The following SNTG1 variants were observed in gnomAD, a reference collection of about 807,000 sequenced individuals.
The protein encoded by SNTG1 is gamma-1-syntrophin.
In SNTG1, 39 loss-of-function variants were observed where a neutral mutation model predicts 74.7. The observed-to-expected ratio is 0.52, with a 90% confidence interval of 0.40 to 0.68. SNTG1 has a LOEUF of 0.68. Ranked by LOEUF, SNTG1 falls within the 30% of genes least tolerant of loss-of-function variation. The probability of loss-of-function intolerance (pLI) is 0.00; values close to 1 mark genes in which losing one functional copy is unlikely to be tolerated. For missense variants in SNTG1, 685 were observed against 609.5 expected (o/e 1.12, Z -1.30); for synonymous variants, 254 against 217.1 (o/e 1.17, Z -1.49).
At chr8:50,612,084 CA>C (rs1156706726) in intron 13 of SNTG1, among the ~76,000 whole-genome samples, 1 of 152,044 alleles carries the variant, frequency 6.6e-6, no homozygotes. Context: ...AACAAACAAA[CA>C]AAAAAATCTG....
At chr8:50,633,553 T>C (rs534970586) in intron 13 of SNTG1, among the ~76,000 whole-genome samples, 2 of 152,186 alleles carry the variant, frequency 1.3e-5, no homozygotes, top group Non-Finnish European at 2.9e-5. Flanking sequence ...GCATGAAGTG[T>C]CTTTCAACTT....
At chr8:50,157,818 GA>G (rs1039825462) in intron 1 of SNTG1, among the ~76,000 whole-genome samples, 5 of 152,048 alleles carry the variant, frequency 3.3e-5, no homozygotes, top group African/African-American at 1.2e-4. Context: ...TCATAGAAAT[GA>G]AAATAAAGAA....
chr8:50,038,750 A>G (rs2130801208), intron 1 of SNTG1, among the ~76,000 whole-genome samples: 1 of 152,320 alleles, frequency 6.6e-6, no homozygotes, highest in Non-Finnish European at 1.5e-5. Context: ...AGTCAGATCT[A>G]CTGACACAGA....
chr8:50,644,568 G>C (rs2095095055), intron 13 of SNTG1: 1 of 152,124 alleles, frequency 6.6e-6, no homozygotes, highest in Non-Finnish European at 1.5e-5. Flanking sequence ...TGAATCTCCT[G>C]CTTATATTTT....
At chr8:50,097,926 T>C (rs574753644) in intron 1 of SNTG1, among the ~76,000 whole-genome samples, 1 of 152,214 alleles carries the variant, frequency 6.6e-6, no homozygotes, top group South Asian at 2.1e-4. Context: ...ATACTTGGCA[T>C]GCTTAGTTTA....
Position 50,792,932 on chromosome 8 carries a change from T to C in SNTG1, c.*103T>C, listed in dbSNP as rs2095695517. ...AACCATAACATCACCAAGTCGACAG[T>C]GGAGGCAAATCAAAATTTCGGCAGA... is the stretch of plus-strand genomic sequence containing the variant. On this transcript the variant is annotated 3_prime_UTR_variant, in exon 19 of 19. Coordinates refer to ENST00000642720, the MANE Select transcript of SNTG1 (RefSeq NM_018967.5). 3.8e-6 allele frequency: 5 copies of C among 1,307,288 alleles called. No individual in the cohort carries two copies. The highest frequency in any genetic ancestry group is 2.0e-4 in the Middle Eastern group (1 of 5,076). 81.0% of individuals were successfully genotyped at this position (1,307,288 alleles called of 1,614,324 possible). A position where few individuals can be genotyped will look rare whatever the true frequency, so the allele number is the denominator to read the frequency against.
chr8:50,145,751 T>A lies in SNTG1; in HGVS notation c.-102-26810T>A, dbSNP rs544330093. On this transcript the variant is annotated intron_variant, in intron 1 of 18. Transcript: ENST00000642720. ...CAAATTTCCTTATTGTCAAAAGCAC[T>A]TTTTATTTTTATGTTCATCTATTTT... Among the ~76,000 whole-genome samples the A allele has an allele frequency of 2.6e-5, 4 of 152,282 alleles. No homozygotes were observed. In the South Asian group the frequency reaches 8.3e-4, roughly 32 times the overall value.
intron 2 of SNTG1, among the ~76,000 whole-genome samples, chr8:50,177,972 A>C (rs1251402487): frequency 2.0e-5 from 3 of 152,180 alleles, no homozygotes. Context: ...CCTACAGTAG[A>C]TAGCCTTTCA....
chr8:50,162,515 TC>T (rs1468859348), intron 1 of SNTG1, among the ~76,000 whole-genome samples: 7 of 143,804 alleles, frequency 4.9e-5, no homozygotes, highest in Admixed American at 2.2e-4. Flanking sequence ...TGAGCCGAGT[TC>T]ACGCCACTGC....
intron 13 of SNTG1, among the ~76,000 whole-genome samples, chr8:50,603,599 A>G (rs992060066): frequency 6.6e-6 from 1 of 151,918 alleles, no homozygotes; most frequent in African/African-American, 2.4e-5. Flanking sequence ...GGGCATTGAA[A>G]ATTTGGATAT....
chr8:50,022,334 C>T (rs1358300624), intron 1 of SNTG1, among the ~76,000 whole-genome samples: 2 of 152,110 alleles, frequency 1.3e-5, no homozygotes, highest in East Asian at 1.9e-4. Flanking sequence ...TCACTGATGC[C>T]TTGAGATGGA....
chr8:50,496,082 T>TTTTATCTATAAAGTGACCTG (rs2093901590), intron 8 of SNTG1, among the ~76,000 whole-genome samples: 2 of 152,346 alleles, frequency 1.3e-5, no homozygotes, highest in South Asian at 4.1e-4. Flanking sequence ...AGCCTAGTTA[T>TTTTATCTATAAAGTGACCTG]TTTATCTGTA....
At chr8:50,676,832 G>A (rs1387027662) in intron 15 of SNTG1, among the ~76,000 whole-genome samples, 5 of 151,496 alleles carry the variant, frequency 3.3e-5, no homozygotes, top group Non-Finnish European at 1.5e-5. Flanking sequence ...ATTTTTTAAA[G>A]ATATTTCTAA....
At chr8:50,724,966 TAGAA>T (rs2095496504) in intron 17 of SNTG1, among the ~76,000 whole-genome samples, 1 of 152,178 alleles carries the variant, frequency 6.6e-6, no homozygotes. Context: ...GAAGCATTAA[TAGAA>T]AGAAGACATC....
At chr8:50,579,423 A>T (rs1378623848) in intron 12 of SNTG1, among the ~76,000 whole-genome samples, 1 of 152,238 alleles carries the variant, frequency 6.6e-6, no homozygotes, top group Non-Finnish European at 1.5e-5. Flanking sequence ...TGCAGACATC[A>T]GCATAAGTAG....
At chr8:50,028,963 A>T (rs1432886697) in intron 1 of SNTG1, among the ~76,000 whole-genome samples, 1 of 151,782 alleles carries the variant, frequency 6.6e-6, no homozygotes, top group East Asian at 1.9e-4. Flanking sequence ...TCCATTTTCA[A>T]ATTGGATATT....
chr8:50,779,643 C>A (rs2095652454), intron 18 of SNTG1, among the ~76,000 whole-genome samples: 1 of 151,592 alleles, frequency 6.6e-6, no homozygotes, highest in Non-Finnish European at 1.5e-5. Context: ...ATCATGTCAT[C>A]TGCAAACAGG....
Position 49,964,535 on chromosome 8 carries a change from A to G in SNTG1, c.-103+52304A>G, listed in dbSNP as rs16914102. 5.3e-3 allele frequency among the ~76,000 whole-genome samples: 815 copies of G among 152,352 alleles called. 11 individuals carry two copies. Among genetic ancestry groups the G allele is most frequent in the African/African-American group, 0.019 (771 of 41,580 alleles). ...ATATACATAGGTGAATAATAGGTAA[A>G]CAGGCACAGGCATATACTCTATCTG... On this transcript the variant is annotated intron_variant, in intron 1 of 18. Coordinates refer to ENST00000642720, the MANE Select transcript of SNTG1 (RefSeq NM_018967.5).
intron 1 of SNTG1, among the ~76,000 whole-genome samples, chr8:49,967,335 T>C (rs1811234337): frequency 6.6e-6 from 1 of 152,202 alleles, no homozygotes; most frequent in Admixed American, 6.5e-5. Flanking sequence ...CAGGATGGTG[T>C]TTTGTCACAT....
Sources: gnomAD v4.1 joint callset for allele counts (sites outside exome capture counted in the v4.1 genomes callset) on GRCh38, gnomAD v4.1.1 for gene constraint, MANE v1.5 for transcripts, NCBI Gene and HGNC (gene_info 2026-07-23, HGNC 2026-07-21) for gene names.